The following NME9 variants were observed in gnomAD, a reference collection of about 807,000 sequenced individuals.
NME9 encodes thioredoxin domain-containing protein 6.
A neutral mutation model predicts 44.4 loss-of-function variants in NME9; 48 were observed. The ratio of observed to expected loss-of-function variants is 1.08; its 90% CI spans 0.86 to 1.37. The LOEUF (loss-of-function observed/expected upper bound fraction) is 1.37. Among genes scored for constraint, NME9 ranks in the 40% most tolerant of loss-of-function variants. The pLI is 0.00. For missense variants in NME9, 325 were observed against 405.2 expected (o/e 0.80, Z 1.70); for synonymous variants, 139 against 147.1 (o/e 0.94, Z 0.40).
At position 138,303,545 on chromosome 3, in the gene NME9, C is replaced by G; in HGVS notation, c.890G>C (p.Ser297Thr). The G allele has an allele frequency of 4.3e-6, 7 of 1,613,898 alleles. No individual in the cohort carries two copies. Among genetic ancestry groups the G allele is most frequent in the Non-Finnish European group, 5.9e-6 (7 of 1,179,768 alleles). The change falls in exon 10 of 11, where the codon AGT becomes ACT. Residue 297 changes from serine to threonine, a missense_variant. Coordinates refer to ENST00000333911, the MANE Select transcript of NME9 (RefSeq NM_001349018.2). ...TGTATCTTTGTCTGAAAATTTCAAACTGGGGAAGAGCAATGCCAGTTCTCT... is the reference window on the plus strand; with the variant it reads ...TGTATCTTTGTCTGAAAATTTCAAAGTGGGGAAGAGCAATGCCAGTTCTCT... ...ADRELALLFP[S>T]LKFSDKDTEA... is the part of the protein sequence containing the mutation.
At chr3:138,290,706 T>C (rs1053846389) in intron 8 of NME9, 3 of 1,036,852 alleles carry the variant, frequency 2.9e-6, no homozygotes, top group African/African-American at 1.6e-5. Context: ...GGGTTTGAAT[T>C]GCTTGGTAAT....
At chr3:138,269,820 C>CTTTTTTTTT (rs77095833) in intron 8 of NME9, among the ~76,000 whole-genome samples, 4 of 121,656 alleles carry the variant, frequency 3.3e-5, no homozygotes, top group Non-Finnish European at 5.1e-5. Flanking sequence ...TGTTTTCTTT[C>CTTTTTTTTT]TTTTTTTTTT....
intron 8 of NME9, among the ~76,000 whole-genome samples, chr3:138,277,527 T>C (rs957546349): frequency 3.9e-5 from 6 of 152,214 alleles, no homozygotes; most frequent in African/African-American, 1.4e-4. Flanking sequence ...TCCAGAATAT[T>C]TGAAGAATTC....
At chr3:138,317,633 TAAATA>T (rs1198160864) in intron 4 of NME9, among the ~76,000 whole-genome samples, 7 of 152,252 alleles carry the variant, frequency 4.6e-5, no homozygotes, top group Non-Finnish European at 1.0e-4. Context: ...ATTTTCTGAT[TAAATA>T]AAAGTGAATG....
intron 8 of NME9, chr3:138,270,178 G>A (rs746980277): frequency 4.5e-6 from 6 of 1,336,872 alleles, no homozygotes; most frequent in Non-Finnish European, 6.4e-6. Context: ...AAGGAATACA[G>A]CTATTGTCTA....
At chr3:138,316,263 G>C (rs1232674065) in intron 4 of NME9, among the ~76,000 whole-genome samples, 2 of 152,184 alleles carry the variant, frequency 1.3e-5, no homozygotes, top group Non-Finnish European at 2.9e-5. Flanking sequence ...TAAGTTATGA[G>C]TGACTAAGTG....
intron 6 of NME9, among the ~76,000 whole-genome samples, chr3:138,306,867 T>C (rs2052309279): frequency 6.6e-6 from 1 of 152,086 alleles, no homozygotes; most frequent in Non-Finnish European, 1.5e-5. Context: ...AGAGGAGGTA[T>C]AGGAGAAAGT....
chr3:138,311,349 T>C (rs1489859696), intron 6 of NME9, among the ~76,000 whole-genome samples: 1 of 152,154 alleles, frequency 6.6e-6, no homozygotes, highest in Non-Finnish European at 1.5e-5. Flanking sequence ...ACTCAAACTC[T>C]TCAAAAAAAT....
downstream of NME9, among the ~76,000 whole-genome samples, chr3:138,299,499 G>A (rs6439800): frequency 0.98 from 149,338 of 152,208 alleles, 73,313 homozygotes; most frequent in East Asian, 1. Flanking sequence ...GTCTCCGCCA[G>A]TGAGTTCCAT....
chr3:138,312,114 GACAC>G lies in NME9; in HGVS notation c.460+2214_460+2217del, dbSNP rs370367722. 1.8e-3 allele frequency among the ~76,000 whole-genome samples: 272 copies of G among 151,624 alleles called. 1 individual carries two copies. The highest frequency in any genetic ancestry group is 6.2e-3 in the African/African-American group (256 of 41,428). ...TACACTGATGAAAGAAATTGAAGAGGACACACACACACACAAATGGAAAGATATT... is the reference window on the plus strand; with the variant it reads ...TACACTGATGAAAGAAATTGAAGAGGACACACACACAAATGGAAAGATATT... On this transcript the variant is annotated intron_variant, in intron 6 of 10. Coordinates refer to ENST00000333911, the MANE Select transcript of NME9 (RefSeq NM_001349018.2).
At chr3:138,308,955 A>AAC (rs1553784302) in intron 6 of NME9, among the ~76,000 whole-genome samples, 1 of 150,878 alleles carries the variant, frequency 6.6e-6, no homozygotes, top group Non-Finnish European at 1.5e-5. Flanking sequence ...GAAAAAAAAA[A>AAC]AAAAAAAAAA....
downstream of NME9, chr3:138,300,986 A>C: frequency 1.1e-6 from 1 of 883,374 alleles, no homozygotes; most frequent in Non-Finnish European, 1.4e-6. Context: ...TACCAAATTA[A>C]GTTCTAAAAT....
intron 4 of NME9, among the ~76,000 whole-genome samples, chr3:138,317,337 ACCCTAG>A (rs1170670119): frequency 1.3e-5 from 2 of 152,228 alleles, no homozygotes; most frequent in African/African-American, 4.8e-5. Flanking sequence ...AAATTAAACA[ACCCTAG>A]CCTGGTGTTT....
chr3:138,276,146 A>G (rs1174074039), intron 8 of NME9, among the ~76,000 whole-genome samples: 1 of 152,194 alleles, frequency 6.6e-6, no homozygotes, highest in Non-Finnish European at 1.5e-5. Flanking sequence ...ACACAAAGGA[A>G]CTTTCTCATA....
Position 138,290,467 on chromosome 3 carries a change from G to A in NME9, c.745+13040C>T, listed in dbSNP as rs1283461655. ...AGTAGGGAGTGAAGGACACTGGTAAGGCTCTAGATTGTTAATTGTACATCA... is the reference window on the plus strand; with the variant it reads ...AGTAGGGAGTGAAGGACACTGGTAAAGCTCTAGATTGTTAATTGTACATCA... On this transcript the variant is annotated intron_variant, in intron 8 of 8. Transcript: ENST00000317876. 8.5e-6 allele frequency: 9 copies of A among 1,052,640 alleles called. No individual in the cohort carries two copies. The East Asian group carries it at 1.0e-4, about 12-fold the overall frequency. 65.2% of individuals were successfully genotyped at this position (1,052,640 alleles called of 1,614,324 possible).
At chr3:138,322,374 T>TG (rs1275168818) in intron 2 of NME9, among the ~76,000 whole-genome samples, 1 of 4,454 alleles carries the variant, frequency 2.2e-4, no homozygotes, top group Admixed American at 3.0e-3. Flanking sequence ...GAAGCGGGGG[T>TG]GGGGGGTAGG....
chr3:138,262,145 G>T (rs2047805676), exon 9 of NME9: 1 of 160,384 alleles, frequency 6.2e-6, no homozygotes, highest in Admixed American at 6.4e-5. Flanking sequence ...AAGGGAAACT[G>T]TCTTCTAAGT....
chr3:138,266,606 GAAAT>G (rs998277034), intron 8 of NME9, among the ~76,000 whole-genome samples: 1 of 152,142 alleles, frequency 6.6e-6, no homozygotes, highest in Non-Finnish European at 1.5e-5. Context: ...TATAGATGAA[GAAAT>G]ACAGGCTCAG....
At chr3:138,318,503 T>C (rs911327642) in intron 3 of NME9, among the ~76,000 whole-genome samples, 1 of 151,968 alleles carries the variant, frequency 6.6e-6, no homozygotes, top group African/African-American at 2.4e-5. Flanking sequence ...TCTGCAGCCA[T>C]GACTGACAAC....
Sources: gnomAD v4.1 joint callset for allele counts (sites outside exome capture counted in the v4.1 genomes callset) on GRCh38, gnomAD v4.1.1 for gene constraint, MANE v1.5 for transcripts, NCBI Gene and HGNC (gene_info 2026-07-23, HGNC 2026-07-21) for gene names.